The following AS3MT variants were observed in gnomAD, a reference collection of about 807,000 sequenced individuals.
AS3MT encodes the protein arsenite methyltransferase.
A neutral mutation model predicts 45.3 loss-of-function variants in AS3MT; 47 were observed. The observed-to-expected ratio is 1.04, with a 90% CI of 0.82 to 1.32. The LOEUF is 1.32. Ranked by LOEUF, AS3MT falls within the 40% of genes most tolerant of loss-of-function variation. The pLI, the probability that AS3MT is intolerant of heterozygous loss-of-function variation, is 0.00. For missense variants in AS3MT, 396 were observed against 451.1 expected (o/e 0.88, Z 1.11); for synonymous variants, 141 against 152.8 (o/e 0.92, Z 0.57).
intron 9 of AS3MT, among the ~76,000 whole-genome samples, chr10:102,884,608 G>A (rs1245453846): frequency 6.6e-6 from 1 of 151,962 alleles, no homozygotes; most frequent in Non-Finnish European, 1.5e-5. Context: ...GTGCAGTGGC[G>A]TGATCTTGGC....
Position 102,870,197 on chromosome 10 carries a change from A to C in AS3MT, c.156A>C (p.Glu52Asp). ...HIREALQNVH[E>D]EVALRYYGCG... ...GGGAAGCCTTGCAAAATGTACACGA[A>C]GAAGTAGCCCTAAGGTAGAGTGCCC... Residue 52 changes from glutamate (E) to aspartate (D), a missense_variant, in exon 3 of 11, where the codon GAA becomes GAC. Transcript: ENST00000369880. 6.2e-7 allele frequency: 1 copy of C among 1,614,204 alleles called. No individual in the cohort carries two copies. Among genetic ancestry groups the C allele is most frequent in the East Asian group, 2.2e-5 (1 of 44,886 alleles).
intron 6 of AS3MT, among the ~76,000 whole-genome samples, chr10:102,876,055 A>G (rs1367765522): frequency 6.6e-6 from 1 of 152,146 alleles, no homozygotes; most frequent in Non-Finnish European, 1.5e-5. Context: ...TTTACACGCC[A>G]GTTCACTATC....
In AS3MT at chr10:102,870,193, A is replaced by G. The variant is rs201702937; in HGVS notation, c.152A>G (p.His51Arg). 25 of 1,614,190 alleles carry G rather than the reference A, an allele frequency of 1.5e-5. No homozygotes were observed. Among genetic ancestry groups the G allele is most frequent in the East Asian group, 6.7e-5 (3 of 44,884 alleles). ...KHIREALQNVHEEVALRYYGC... is the reference protein window; with the variant it reads ...KHIREALQNVREEVALRYYGC... ...ATCCGGGAAGCCTTGCAAAATGTAC[A>G]CGAAGAAGTAGCCCTAAGGTAGAGT... The change falls in exon 3 of 11, where the codon CAC (histidine) becomes CGC (arginine). Residue 51 changes from histidine (H) to arginine (R), a missense_variant. By Grantham distance (29) the His-to-Arg change is conservative. Transcript: ENST00000369880.
chr10:102,894,026 G>A (rs1297015630), intron 10 of AS3MT, among the ~76,000 whole-genome samples: 1 of 152,216 alleles, frequency 6.6e-6, no homozygotes, highest in Non-Finnish European at 1.5e-5. Flanking sequence ...ACCCAGGGAA[G>A]GCAGCTGTGC....
chr10:102,881,294 T>C lies in AS3MT; in HGVS notation c.885+2303T>C, dbSNP rs757330107. Reference sequence around the variant, plus strand: ...TAGAACACTACTTAATGGAAACTAGTGGAAATGGCTGCTAAAGGAAAAGTT... The same window carrying C: ...TAGAACACTACTTAATGGAAACTAGCGGAAATGGCTGCTAAAGGAAAAGTT... On this transcript the variant is annotated intron_variant, in intron 9 of 10. Coordinates refer to ENST00000369880, the MANE Select transcript of AS3MT (RefSeq NM_020682.4). The surrounding 1 kb of genome is among the most constrained non-coding windows in gnomAD (Gnocchi z 4.2). Among the ~76,000 whole-genome samples, 2 of 152,208 alleles carry C rather than the reference T, an allele frequency of 1.3e-5. No homozygotes were observed. The highest frequency in any genetic ancestry group is 2.9e-5 in the Non-Finnish European group (2 of 68,038).
chr10:102,891,751 C>T (rs1335807717), intron 10 of AS3MT, among the ~76,000 whole-genome samples: 1 of 151,854 alleles, frequency 6.6e-6, no homozygotes, highest in Non-Finnish European at 1.5e-5. Flanking sequence ...AGTTTGACAC[C>T]AGCCTGGGTA....
intron 9 of AS3MT, among the ~76,000 whole-genome samples, chr10:102,880,027 C>G (rs942952668): frequency 6.6e-6 from 1 of 152,078 alleles, no homozygotes; most frequent in Non-Finnish European, 1.5e-5. Flanking sequence ...AATACCATTA[C>G]ACACCTAAGA....
chr10:102,880,010 T>A, intron 9 of AS3MT, among the ~76,000 whole-genome samples: 1 of 152,144 alleles, frequency 6.6e-6, no homozygotes, highest in Non-Finnish European at 1.5e-5. Flanking sequence ...TCCCTCTGCA[T>A]AATCACAATA....
In AS3MT at chr10:102,900,642, A is replaced by G. The variant is rs1385632603; in HGVS notation, c.1070A>G (p.Lys357Arg). 6.2e-7 allele frequency: 1 copy of G among 1,614,084 alleles called. No individual in the cohort carries two copies. Among genetic ancestry groups the G allele is most frequent in the Non-Finnish European group, 8.5e-7 (1 of 1,180,036 alleles). The change falls in exon 11 of 11, where the codon AAG (lysine) becomes AGG (arginine). Residue 357 changes from lysine (K) to arginine (R), a missense_variant. Physicochemically the swap from Lys to Arg is conservative, Grantham distance 26. Transcript: ENST00000369880. ...CTTGCAGAAGAGTCTGACAGTATGA[A>G]GTCCAGATGTGTCCCTGATGCTGCT... Reference protein sequence around the residue: ...FKLAEESDSMKSRCVPDAAGG... With the variant: ...FKLAEESDSMRSRCVPDAAGG...
At chr10:102,872,956 A>G (rs1219811719) in intron 4 of AS3MT, 141 bp from the exon 5 acceptor site, 1 of 724,600 alleles carries the variant, frequency 1.4e-6, no homozygotes, top group Non-Finnish European at 2.2e-6. Context: ...GTTGTAGTAT[A>G]TCCTACGTGT....
intron 6 of AS3MT, among the ~76,000 whole-genome samples, chr10:102,876,126 T>G (rs1411181532): frequency 1.3e-5 from 2 of 152,124 alleles, no homozygotes; most frequent in African/African-American, 2.4e-5. Context: ...ATCTCCAGGT[T>G]TCCAGGTTTT....
chr10:102,869,909 C>T (rs1267078639), intron 2 of AS3MT, 64 bp downstream of exon 2: 1 of 1,601,446 alleles, frequency 6.2e-7, no homozygotes, highest in Non-Finnish European at 8.5e-7. Flanking sequence ...CTGGCCTGGC[C>T]CGCACCCTGT....
intron 6 of AS3MT, among the ~76,000 whole-genome samples, chr10:102,876,063 A>C (rs911669414): frequency 1.1e-4 from 16 of 152,250 alleles, no homozygotes; most frequent in African/African-American, 3.6e-4. Context: ...CCAGTTCACT[A>C]TCTCCACCAA....
chr10:102,872,700 G>A (rs1844713627), intron 4 of AS3MT, 102 bp downstream of exon 4: 1 of 1,308,600 alleles, frequency 7.6e-7, no homozygotes, highest in Non-Finnish European at 1.0e-6. Context: ...ATTTAAGAAA[G>A]CTTCTAGTTA....
Position 102,869,821 on chromosome 10 carries a change from C to A in AS3MT, c.18C>A (p.Asp6Glu). Residue 6 changes from aspartate to glutamate, a missense_variant, in exon 2 of 11, where the codon GAC becomes GAA. By Grantham distance (45) the Asp-to-Glu change is conservative (BLOSUM62 2). Transcript: ENST00000369880. MAALRDAEIQKDVQTY... is the reference protein window; with the variant it reads MAALREAEIQKDVQTY... ...TCCCGACAGTGGCTGCACTTCGTGA[C>A]GCTGAGATACAGAAGGACGTGCAGG... 3 of 1,614,102 alleles carry A rather than the reference C, an allele frequency of 1.9e-6. No individual in the cohort carries two copies.
intron 9 of AS3MT, among the ~76,000 whole-genome samples, chr10:102,883,329 G>A (rs1313369112): frequency 6.6e-6 from 1 of 151,310 alleles, no homozygotes; most frequent in Admixed American, 6.6e-5. Context: ...TTAAACTCCT[G>A]ACCTCAGGTG....
At chr10:102,893,133 G>C (rs1428123360) in intron 10 of AS3MT, among the ~76,000 whole-genome samples, 1 of 150,362 alleles carries the variant, frequency 6.7e-6, no homozygotes, top group Non-Finnish European at 1.5e-5. Context: ...CTTATGTTTT[G>C]TATAGCTAAT....
chr10:102,890,723 A>G (rs775713379), intron 10 of AS3MT, 45 bp downstream of exon 10: 1 of 1,565,134 alleles, frequency 6.4e-7, no homozygotes, highest in East Asian at 2.3e-5. Flanking sequence ...TTATTTATTT[A>G]TTTTTGAGAT....
intron 9 of AS3MT, among the ~76,000 whole-genome samples, chr10:102,880,375 G>A (rs867111064): frequency 4.6e-5 from 7 of 152,058 alleles, no homozygotes; most frequent in East Asian, 3.9e-4. Flanking sequence ...CATTTTAACT[G>A]ATTTAAGTCC....
Sources: gnomAD v4.1 joint callset for allele counts (sites outside exome capture counted in the v4.1 genomes callset) on GRCh38, gnomAD v4.1.1 for gene constraint, Gnocchi (gnomAD v3.1) non-coding constraint, MANE v1.5 for transcripts, NCBI Gene and HGNC (gene_info 2026-07-23, HGNC 2026-07-21) for gene names.